The following FAM168A variants were observed in gnomAD, a reference collection of about 807,000 sequenced individuals.
FAM168A encodes protein FAM168A.
Under a neutral mutation model 28.5 loss-of-function variants are expected in FAM168A, and 3 were observed. That is an observed-to-expected ratio of 0.11 (90% CI 0.05 to 0.27). The LOEUF (loss-of-function observed/expected upper bound fraction) is 0.27, where lower values mean the gene tolerates loss of function less well. Among genes scored for constraint, FAM168A ranks in the 10% least tolerant of loss-of-function variants. The pLI, the probability that FAM168A is intolerant of heterozygous loss-of-function variation, is 1.00. For synonymous variants in FAM168A, 122 were observed against 124.2 expected, an observed-to-expected ratio of 0.98 and a Z score of 0.12; for missense variants, 222 against 311.5, an observed-to-expected ratio of 0.71 and a Z score of 2.16.
intron 1 of FAM168A, among the ~76,000 whole-genome samples, chr11:73,569,363 A>C (rs1944059186): frequency 6.6e-6 from 1 of 152,230 alleles, no homozygotes; most frequent in South Asian, 2.1e-4. Context: ...CAGCGGTCTT[A>C]TCCACCTTCA....
intron 1 of FAM168A, among the ~76,000 whole-genome samples, chr11:73,592,924 C>T (rs1014752733): frequency 6.6e-6 from 1 of 151,464 alleles, no homozygotes; most frequent in Non-Finnish European, 1.5e-5. Context: ...AATACTTATG[C>T]TTCTTTTTAC....
intron 1 of FAM168A, chr11:73,580,372 C>CA: frequency 3.3e-6 from 2 of 606,986 alleles, no homozygotes; most frequent in Non-Finnish European, 6.4e-6. Flanking sequence ...GAGCCCAGGC[C>CA]AAAAAAGCCC....
At chr11:73,430,644 C>T (rs1450650374) in intron 3 of FAM168A, 46 bp downstream of exon 3, 1 of 1,549,962 alleles carries the variant, frequency 6.5e-7, no homozygotes. Flanking sequence ...CAAATAGAGT[C>T]CCCCTTCCCA....
At chr11:73,589,093 T>A (rs1468010276) in intron 1 of FAM168A, among the ~76,000 whole-genome samples, 1 of 152,166 alleles carries the variant, frequency 6.6e-6, no homozygotes, top group Admixed American at 6.5e-5. Context: ...TTTTGTTGTT[T>A]AAACCACCCA....
intron 1 of FAM168A, among the ~76,000 whole-genome samples, chr11:73,567,139 G>C (rs989198175): frequency 5.9e-5 from 9 of 152,202 alleles, no homozygotes; most frequent in African/African-American, 2.2e-4. Context: ...CTGAGAGTCT[G>C]AGCTAAGGCA....
At chr11:73,574,831 T>G (rs1490847630) in intron 1 of FAM168A, among the ~76,000 whole-genome samples, 1 of 151,074 alleles carries the variant, frequency 6.6e-6, no homozygotes, top group Non-Finnish European at 1.5e-5. Context: ...CCCAAAGTGC[T>G]GGGATTACAG....
At chr11:73,420,082 G>A (rs955860791) in intron 3 of FAM168A, 83 bp from the exon 4 acceptor site, 108 of 1,544,806 alleles carry the variant, frequency 7.0e-5, no homozygotes, top group Non-Finnish European at 8.9e-5. Context: ...AGGGTCTTGT[G>A]CTGGACAGAA....
At chr11:73,547,035 C>T (rs1288171744) in intron 1 of FAM168A, among the ~76,000 whole-genome samples, 4 of 148,634 alleles carry the variant, frequency 2.7e-5, no homozygotes, top group Non-Finnish European at 5.9e-5. Context: ...ACCTGTAATC[C>T]TAGCACTGGG....
intron 3 of FAM168A, among the ~76,000 whole-genome samples, chr11:73,428,145 C>T (rs569815715): frequency 6.6e-6 from 1 of 152,290 alleles, no homozygotes; most frequent in South Asian, 2.1e-4. Context: ...TGCTACTCAA[C>T]TTCCCAAACC....
chr11:73,417,265 G>A (rs932198784), intron 4 of FAM168A, among the ~76,000 whole-genome samples: 1 of 152,118 alleles, frequency 6.6e-6, no homozygotes, highest in African/African-American at 2.4e-5. Context: ...AAGAACCTTG[G>A]AGATGATTTA....
chr11:73,488,772 C>T (rs1301223135), intron 1 of FAM168A, among the ~76,000 whole-genome samples: 2 of 152,222 alleles, frequency 1.3e-5, no homozygotes, highest in East Asian at 3.8e-4. Flanking sequence ...ATTAGGACTT[C>T]CCTTCTCTGC....
rs1866426402 is a variant in FAM168A, at chr11:73,402,255, G to A, written c.*4508C>T. The A allele has an allele frequency of 6.6e-6, 1 of 152,202 alleles. No individual in the cohort carries two copies. The highest frequency in any genetic ancestry group is 1.5e-5 in the Non-Finnish European group (1 of 68,046). The allele number at this position is 152,202 out of a possible 1,614,324, so 9.4% of individuals were successfully genotyped here. ...TACAGATGGTGATATATAAGACAAA[G>A]TTCACAGGGCCCAGAATGGGGCCCA... On this transcript the variant is annotated 3_prime_UTR_variant, in exon 8 of 8. Transcript: ENST00000356467.
intron 1 of FAM168A, among the ~76,000 whole-genome samples, chr11:73,537,404 T>C (rs182700096): frequency 1.2e-3 from 179 of 152,086 alleles, no homozygotes; most frequent in Middle Eastern, 6.8e-3. Context: ...CTACTAAAAA[T>C]ACAAAAATTA....
intron 1 of FAM168A, among the ~76,000 whole-genome samples, chr11:73,489,740 G>A (rs1344830343): frequency 6.6e-6 from 1 of 151,966 alleles, no homozygotes; most frequent in Non-Finnish European, 1.5e-5. Context: ...TGAATCCCTG[G>A]GCTCAAGTAA....
intron 1 of FAM168A, among the ~76,000 whole-genome samples, chr11:73,483,599 G>A (rs1867997819): frequency 6.6e-6 from 1 of 152,144 alleles, no homozygotes; most frequent in Non-Finnish European, 1.5e-5. Flanking sequence ...AGGAAATGAA[G>A]ATCTGAACTA....
At chr11:73,412,667 A>G (rs1349895562) in intron 4 of FAM168A, among the ~76,000 whole-genome samples, 1 of 152,138 alleles carries the variant, frequency 6.6e-6, no homozygotes, top group Non-Finnish European at 1.5e-5. Flanking sequence ...AACTTCTCCT[A>G]AAGACTCTAA....
At chr11:73,559,790 T>C (rs770799538) in intron 1 of FAM168A, among the ~76,000 whole-genome samples, 1 of 152,202 alleles carries the variant, frequency 6.6e-6, no homozygotes, top group Non-Finnish European at 1.5e-5. Context: ...AACAATGATA[T>C]ATAAATTTCA....
At chr11:73,570,071 T>G (rs368739753) in intron 1 of FAM168A, among the ~76,000 whole-genome samples, 2 of 151,574 alleles carry the variant, frequency 1.3e-5, no homozygotes, top group East Asian at 3.9e-4. Flanking sequence ...GTTTTAAGAC[T>G]CAAATAAGAG....
At chr11:73,522,815 C>A (rs1376304598) in intron 1 of FAM168A, among the ~76,000 whole-genome samples, 1 of 151,732 alleles carries the variant, frequency 6.6e-6, no homozygotes, top group African/African-American at 2.4e-5. Flanking sequence ...GAGTTTGTGA[C>A]CAGACTGGCC....
Sources: gnomAD v4.1 joint callset for allele counts (sites outside exome capture counted in the v4.1 genomes callset) on GRCh38, gnomAD v4.1.1 for gene constraint, MANE v1.5 for transcripts, NCBI Gene and HGNC (gene_info 2026-07-23, HGNC 2026-07-21) for gene names.